ADGRL2: variants seen among roughly 807,000 people sequenced by gnomAD.
ADGRL2 encodes the protein calcium-independent alpha-latrotoxin receptor 2.
ADGRL2 carries 44 observed loss-of-function variants against 157.4 expected under a neutral mutation model. The ratio of observed to expected loss-of-function variants is 0.28; its 90% CI spans 0.22 to 0.36. The LOEUF is 0.36. Ranked by LOEUF, ADGRL2 falls within the 10% of genes least tolerant of loss-of-function variation. ADGRL2 has a pLI of 1.00. For synonymous variants in ADGRL2, 585 were observed against 624.7 expected, an observed-to-expected ratio of 0.94 and a Z score of 0.95; for missense variants, 1,510 against 1,768.9, an observed-to-expected ratio of 0.85 and a Z score of 2.63.
At chr1:81,713,487 T>C (rs2149088953) in intron 1 of ADGRL2, among the ~76,000 whole-genome samples, 1 of 152,272 alleles carries the variant, frequency 6.6e-6, no homozygotes, top group African/African-American at 2.4e-5. Flanking sequence ...TAATGGCCAA[T>C]GATAGTGATG....
At chr1:81,895,835 G>A (rs993340963) in intron 2 of ADGRL2, among the ~76,000 whole-genome samples, 2 of 152,052 alleles carry the variant, frequency 1.3e-5, no homozygotes, top group East Asian at 1.9e-4. Flanking sequence ...TTTGATCTGG[G>A]AAACCTGCCT....
intron 1 of ADGRL2, among the ~76,000 whole-genome samples, chr1:81,313,428 C>T (rs1659884973): frequency 6.6e-6 from 1 of 152,132 alleles, no homozygotes; most frequent in African/African-American, 2.4e-5. Context: ...ATTTAATATC[C>T]TTAAGGCCTG....
chr1:81,734,863 G>A (rs1461253828), intron 1 of ADGRL2, among the ~76,000 whole-genome samples: 8 of 146,134 alleles, frequency 5.5e-5, no homozygotes, highest in Non-Finnish European at 9.2e-5. Context: ...GAGAAACCCT[G>A]TCTCTACTAA....
intron 1 of ADGRL2, among the ~76,000 whole-genome samples, chr1:81,359,908 G>A (rs2075948600): frequency 6.6e-6 from 1 of 151,830 alleles, no homozygotes; most frequent in Non-Finnish European, 1.5e-5. Flanking sequence ...AGTCCTTTTA[G>A]GCCTACTTTC....
At chr1:81,602,595 A>G (rs902662159) in intron 3 of ADGRL2, among the ~76,000 whole-genome samples, 2 of 151,222 alleles carry the variant, frequency 1.3e-5, no homozygotes. Context: ...CAGTCTCAAA[A>G]AAACAAAAAA....
chr1:81,862,483 T>A (rs2093419089), intron 2 of ADGRL2, among the ~76,000 whole-genome samples: 1 of 152,182 alleles, frequency 6.6e-6, no homozygotes, highest in Non-Finnish European at 1.5e-5. Flanking sequence ...AATATTAAGA[T>A]AACAAATAGA....
intron 2 of ADGRL2, among the ~76,000 whole-genome samples, chr1:81,865,970 T>G (rs1455014435): frequency 6.6e-6 from 1 of 152,138 alleles, no homozygotes; most frequent in Admixed American, 6.5e-5. Context: ...CTCCATTAAA[T>G]AGATTAGAAA....
intron 1 of ADGRL2, among the ~76,000 whole-genome samples, chr1:81,754,897 A>T (rs1000771125): frequency 6.6e-6 from 1 of 151,866 alleles, no homozygotes; most frequent in Admixed American, 6.6e-5. Context: ...ACGCATGTTA[A>T]TTGCTTAAAT....
At chr1:81,687,435 G>C (rs534918481) in intron 3 of ADGRL2, among the ~76,000 whole-genome samples, 1 of 152,158 alleles carries the variant, frequency 6.6e-6, no homozygotes, top group South Asian at 2.1e-4. Context: ...TTTAAAGTTT[G>C]TTTTGTCTGA....
chr1:81,761,806 TC>T (rs1282425668), intron 1 of ADGRL2: 3 of 152,046 alleles, frequency 2.0e-5, no homozygotes, highest in Admixed American at 6.6e-5. Flanking sequence ...TTCTTTACTT[TC>T]CAGGGTATTT....
intron 2 of ADGRL2, among the ~76,000 whole-genome samples, chr1:81,561,446 T>G (rs2080438761): frequency 6.6e-6 from 1 of 151,592 alleles, no homozygotes; most frequent in Non-Finnish European, 1.5e-5. Context: ...GTTCTGTTTT[T>G]TTTTGTTGTT....
intron 3 of ADGRL2, among the ~76,000 whole-genome samples, chr1:81,685,439 T>C (rs1241080508): frequency 6.6e-6 from 1 of 152,168 alleles, no homozygotes; most frequent in African/African-American, 2.4e-5. Context: ...TCCACTTGGT[T>C]GCTGCTGGTG....
At chr1:81,527,525 A>C (rs1424906135) in intron 2 of ADGRL2, among the ~76,000 whole-genome samples, 2 of 152,174 alleles carry the variant, frequency 1.3e-5, no homozygotes, top group East Asian at 3.9e-4. Context: ...CAGCCTGGCC[A>C]ACATGGAGAA....
intron 3 of ADGRL2, among the ~76,000 whole-genome samples, chr1:81,624,297 C>G (rs1014574391): frequency 6.6e-6 from 1 of 152,256 alleles, no homozygotes; most frequent in East Asian, 1.9e-4. Flanking sequence ...ATACAGTTAT[C>G]TGGCCGGGTG....
intron 1 of ADGRL2, among the ~76,000 whole-genome samples, chr1:81,709,819 C>T (rs17458474): frequency 0.28 from 43,052 of 151,896 alleles, 6,434 homozygotes; most frequent in South Asian, 0.35. Context: ...AAAAAATTTT[C>T]GAAACATGTT....
At chr1:81,979,698 T>C (rs1376972627) in intron 17 of ADGRL2, among the ~76,000 whole-genome samples, 171 bp from the exon 18 acceptor site, 2 of 151,818 alleles carry the variant, frequency 1.3e-5, no homozygotes, top group African/African-American at 4.8e-5. Context: ...TATTAAAGAA[T>C]TGATCATACA....
At chr1:81,722,014 C>G (rs2084342050) in intron 1 of ADGRL2, 1 of 476,368 alleles carries the variant, frequency 2.1e-6, no homozygotes, top group South Asian at 1.8e-5. Flanking sequence ...GAGATAGGAC[C>G]AGGCGCGGTG....
At chr1:81,795,202 G>A (rs2087527858) in intron 2 of ADGRL2, among the ~76,000 whole-genome samples, 1 of 151,904 alleles carries the variant, frequency 6.6e-6, no homozygotes, top group African/African-American at 2.4e-5. Context: ...AACATAGGGA[G>A]ACCCCGTCTC....
intron 17 of ADGRL2, among the ~76,000 whole-genome samples, chr1:81,975,573 T>C (rs1258311310): frequency 6.7e-6 from 1 of 149,028 alleles, no homozygotes; most frequent in African/African-American, 2.5e-5. Context: ...TAAATGCGTA[T>C]CAAAGGCAGA....
Sources: allele counts gnomAD v4.1 joint callset (sites outside exome capture counted in the v4.1 genomes callset), GRCh38; gene constraint gnomAD v4.1.1; transcripts MANE v1.5; gene names NCBI Gene and HGNC (gene_info 2026-07-23, HGNC 2026-07-21).